Variants in SLC6A6 observed in about 807,000 individuals in gnomAD.
SLC6A6 encodes sodium- and chloride-dependent taurine transporter.
Under a neutral mutation model 68.8 loss-of-function variants are expected in SLC6A6, and 16 were observed. The observed-to-expected ratio is 0.23, with a 90% CI of 0.16 to 0.35. SLC6A6 has a LOEUF of 0.35. SLC6A6 is among the 10% of genes least tolerant of loss of function. The pLI, the probability that SLC6A6 is intolerant of heterozygous loss-of-function variation, is 1.00. For synonymous variants in SLC6A6, 312 were observed against 315.4 expected, an observed-to-expected ratio of 0.99 and a Z score of 0.12; for missense variants, 474 against 802.8, an observed-to-expected ratio of 0.59 and a Z score of 4.95.
At chr3:14,422,827 G>C (rs1699513794) in intron 2 of SLC6A6, among the ~76,000 whole-genome samples, 1 of 152,206 alleles carries the variant, frequency 6.6e-6, no homozygotes, top group Non-Finnish European at 1.5e-5. Context: ...CTGTCACAAG[G>C]AGGGGGCTAG....
chr3:14,424,296 A>G (rs1164990394), intron 2 of SLC6A6, among the ~76,000 whole-genome samples: 1 of 152,066 alleles, frequency 6.6e-6, no homozygotes, highest in Non-Finnish European at 1.5e-5. Context: ...AAGATGCTAC[A>G]AATCAGGACC....
chr3:14,405,315 G>C (rs1034575470), intron 1 of SLC6A6, among the ~76,000 whole-genome samples: 1 of 152,284 alleles, frequency 6.6e-6, no homozygotes, highest in South Asian at 2.1e-4. Flanking sequence ...AAGGCAGTCC[G>C]GGCTCTGGGG....
At chr3:14,424,438 G>C (rs1699545898) in intron 2 of SLC6A6, among the ~76,000 whole-genome samples, 1 of 152,126 alleles carries the variant, frequency 6.6e-6, no homozygotes. Flanking sequence ...ATTCCCAGTA[G>C]GGGAAACAGC....
chr3:14,479,052 G>C (rs2304510), intron 12 of SLC6A6, 33 bp from the exon 13 acceptor site: 246,867 of 1,438,110 alleles, frequency 0.17, 23,072 homozygotes, highest in East Asian at 0.36. Flanking sequence ...CTTGAACGCT[G>C]TGTCAGAAAA....
At chr3:14,443,539 C>A in intron 2 of SLC6A6, 85 bp from the exon 3 acceptor site, 1 of 984,682 alleles carries the variant, frequency 1.0e-6, no homozygotes, top group Non-Finnish European at 1.6e-6. Flanking sequence ...GGAGCCGGCT[C>A]GTGGATGAGG....
At chr3:14,406,557 A>G (rs908106521) in intron 1 of SLC6A6, among the ~76,000 whole-genome samples, 1 of 152,138 alleles carries the variant, frequency 6.6e-6, no homozygotes, top group African/African-American at 2.4e-5. Flanking sequence ...TGGACATGCT[A>G]TTTAACCGGT....
At chr3:14,429,637 A>G (rs577472160) in intron 2 of SLC6A6, among the ~76,000 whole-genome samples, 2 of 152,342 alleles carry the variant, frequency 1.3e-5, no homozygotes, top group South Asian at 2.1e-4. Flanking sequence ...TGATTTTCAG[A>G]TTCACCTGGG....
chr3:14,450,871 C>A lies in SLC6A6; in HGVS notation c.599+3055C>A, dbSNP rs191952003. ...ACTCCTGTGAGCATAGTACTAGGAA[C>A]TTGCCCCTGTCATTTCTTTCAGTCT... On this transcript the variant is annotated intron_variant, in intron 5 of 14. Transcript: ENST00000622186. The surrounding 1 kb of genome is among the most constrained non-coding windows in gnomAD (Gnocchi z 4.1). Among the ~76,000 whole-genome samples the A allele has an allele frequency of 1.4e-3, 211 of 152,246 alleles. No homozygotes were observed. The Middle Eastern group carries it at 0.037, about 27-fold the overall frequency.
At chr3:14,426,332 C>T (rs548710160) in intron 2 of SLC6A6, among the ~76,000 whole-genome samples, 2 of 152,154 alleles carry the variant, frequency 1.3e-5, no homozygotes, top group African/African-American at 2.4e-5. Context: ...TAAGTCCCCC[C>T]CCAGCCATCC....
At chr3:14,478,676 A>G (rs1700939233) in intron 12 of SLC6A6, 108 bp downstream of exon 12, 7 of 759,500 alleles carry the variant, frequency 9.2e-6, no homozygotes, top group Non-Finnish European at 1.7e-5. Context: ...TGAGTTGAAC[A>G]GTAGGCCCTC....
At chr3:14,453,089 G>C (rs896160493) in intron 5 of SLC6A6, among the ~76,000 whole-genome samples, 1 of 152,252 alleles carries the variant, frequency 6.6e-6, no homozygotes, top group Non-Finnish European at 1.5e-5. Context: ...TGCTCTGGGC[G>C]GACGGGCCCT....
At chr3:14,410,729 C>T (rs749871360) in intron 1 of SLC6A6, among the ~76,000 whole-genome samples, 2 of 152,204 alleles carry the variant, frequency 1.3e-5, no homozygotes, top group African/African-American at 2.4e-5. Context: ...GCTGGGGTGC[C>T]CTGAGAGGCT....
Position 14,488,784 on chromosome 3 carries a change from ATTG to A in SLC6A6, c.*3782_*3784del, listed in dbSNP as rs1701247900. The A allele has an allele frequency of 6.6e-6, 1 of 152,522 alleles. No homozygotes were observed. The highest frequency in any genetic ancestry group is 2.4e-5 in the African/African-American group (1 of 41,414). The allele number at this position is 152,522 out of a possible 1,614,324, so 9.4% of individuals were successfully genotyped here. A position where few individuals can be genotyped will look rare whatever the true frequency, so the allele number is the denominator to read the frequency against. On this transcript the variant is annotated 3_prime_UTR_variant, in exon 15 of 15. Transcript: ENST00000622186. ...TCTCTCCCTGATCCTCAGAATATAT[ATTG>A]TTGTAATAGGAAGCATTTTTGCATT... is the stretch of plus-strand genomic sequence containing the variant.
At chr3:14,476,920 G>C (rs1700891208) in intron 10 of SLC6A6, among the ~76,000 whole-genome samples, 1 of 152,226 alleles carries the variant, frequency 6.6e-6, no homozygotes, top group Non-Finnish European at 1.5e-5. Flanking sequence ...CTGGTGGCAG[G>C]AACAGCCTGA....
intron 11 of SLC6A6, among the ~76,000 whole-genome samples, chr3:14,478,238 C>T (rs1700925111): frequency 6.6e-6 from 1 of 152,240 alleles, no homozygotes; most frequent in South Asian, 2.1e-4. Flanking sequence ...GGGAAGCAGG[C>T]TCCCGTGGAC....
intron 5 of SLC6A6, among the ~76,000 whole-genome samples, chr3:14,449,797 G>A (rs1021164588): frequency 6.6e-6 from 1 of 152,082 alleles, no homozygotes; most frequent in Non-Finnish European, 1.5e-5. Flanking sequence ...CTGTTGCCAG[G>A]CTGGAGTGCA....
chr3:14,421,749 G>C (rs1329012484), intron 2 of SLC6A6, among the ~76,000 whole-genome samples: 2 of 152,172 alleles, frequency 1.3e-5, no homozygotes, highest in Non-Finnish European at 2.9e-5. Flanking sequence ...GAAAACTGGG[G>C]CTCAGGAAGG....
chr3:14,478,103 G>A (rs998860964), intron 11 of SLC6A6, among the ~76,000 whole-genome samples: 1 of 151,874 alleles, frequency 6.6e-6, no homozygotes, highest in African/African-American at 2.4e-5. Context: ...AGAAGTAAAA[G>A]TGTTTTTCTG....
intron 2 of SLC6A6, among the ~76,000 whole-genome samples, chr3:14,420,489 C>CTTTTTT (rs763732632): frequency 7.0e-5 from 9 of 128,080 alleles, no homozygotes; most frequent in African/African-American, 2.2e-4. Context: ...AACCACTCTG[C>CTTTTTT]TTTTTTTTTT....
Sources: gnomAD v4.1 joint callset for allele counts (sites outside exome capture counted in the v4.1 genomes callset) on GRCh38, gnomAD v4.1.1 for gene constraint, Gnocchi (gnomAD v3.1) non-coding constraint, MANE v1.5 for transcripts, NCBI Gene and HGNC (gene_info 2026-07-23, HGNC 2026-07-21) for gene names.